Variants in TPH2 observed in about 807,000 individuals in gnomAD.
The protein encoded by TPH2 is tryptophan 5-hydroxylase 2.
A neutral mutation model predicts 59.1 loss-of-function variants in TPH2; 27 were observed. The observed-to-expected ratio is 0.46, with a 90% confidence interval of 0.34 to 0.63. TPH2 has a LOEUF of 0.63. TPH2 is among the 30% of genes least tolerant of loss of function. The pLI is 0.01. For synonymous variants in TPH2, 220 were observed against 210.5 expected (o/e 1.05, Z -0.39); for missense variants, 523 against 588.3 (o/e 0.89, Z 1.15).
chr12:72,023,755 C>T (rs1034275307), intron 9 of TPH2, among the ~76,000 whole-genome samples: 1 of 141,244 alleles, frequency 7.1e-6, no homozygotes, highest in Non-Finnish European at 1.5e-5. Flanking sequence ...ACCCAGGAGG[C>T]GGAGGTTGCA....
intron 8 of TPH2, among the ~76,000 whole-genome samples, chr12:72,017,460 C>T (rs1422931656): frequency 6.6e-6 from 1 of 151,962 alleles, no homozygotes; most frequent in Non-Finnish European, 1.5e-5. Flanking sequence ...TAATTATATC[C>T]AAATAAAATA....
chr12:71,961,944 T>A, intron 5 of TPH2: 1 of 1,057,398 alleles, frequency 9.5e-7, no homozygotes, highest in Non-Finnish European at 1.1e-6. Flanking sequence ...TGTTTTTGTT[T>A]GCTCCCATCT....
At chr12:71,983,228 TCTGCTAGAAGAGGAAA>T (rs1872334326) in intron 7 of TPH2, among the ~76,000 whole-genome samples, 6 of 152,210 alleles carry the variant, frequency 3.9e-5, no homozygotes, top group Non-Finnish European at 7.3e-5. Flanking sequence ...AGGTCACTGA[TCTGCTAGAAGAGGAAA>T]TGGACTCTTG....
At chr12:71,942,701 G>A (rs1266222378) in intron 2 of TPH2, among the ~76,000 whole-genome samples, 1 of 152,212 alleles carries the variant, frequency 6.6e-6, no homozygotes, top group Non-Finnish European at 1.5e-5. Flanking sequence ...GTACAACTAT[G>A]AGGCATTATT....
At chr12:71,953,338 T>A (rs550340423) in intron 5 of TPH2, among the ~76,000 whole-genome samples, 1 of 152,228 alleles carries the variant, frequency 6.6e-6, no homozygotes, top group East Asian at 1.9e-4. Flanking sequence ...CTGTCATTGC[T>A]AAAGTTTCTC....
intron 7 of TPH2, among the ~76,000 whole-genome samples, chr12:71,981,611 C>T (rs761411450): frequency 7.9e-5 from 12 of 151,944 alleles, no homozygotes; most frequent in African/African-American, 2.2e-4. Context: ...AGGGGTGAGA[C>T]GAGGGGAGGG....
chr12:71,985,164 C>G (rs1872395668), intron 7 of TPH2, among the ~76,000 whole-genome samples: 6 of 152,166 alleles, frequency 3.9e-5, no homozygotes, highest in Admixed American at 3.9e-4. Context: ...AAATAAGACA[C>G]AGAAAGGTTA....
intron 5 of TPH2, 141 bp downstream of exon 5, chr12:71,949,796 C>T (rs1871295345): frequency 1.3e-5 from 9 of 692,664 alleles, no homozygotes; most frequent in South Asian, 1.1e-4. Flanking sequence ...ACTCTGTAGG[C>T]TTTAAATGCC....
intron 8 of TPH2, among the ~76,000 whole-genome samples, chr12:72,020,590 A>G (rs1592415005): frequency 6.6e-6 from 1 of 152,022 alleles, no homozygotes; most frequent in South Asian, 2.1e-4. Context: ...CTGGGTTCAA[A>G]TGATTCTCTT....
chr12:72,012,759 C>T (rs556919011), intron 8 of TPH2, among the ~76,000 whole-genome samples: 39 of 152,126 alleles, frequency 2.6e-4, no homozygotes, highest in Middle Eastern at 3.4e-3. Flanking sequence ...TCCTGTTAGT[C>T]CTTAAGTGAA....
At chr12:71,945,022 AT>A (rs1309220745) in intron 4 of TPH2, among the ~76,000 whole-genome samples, 1 of 152,220 alleles carries the variant, frequency 6.6e-6, no homozygotes, top group Admixed American at 6.5e-5. Context: ...GAAATTGATC[AT>A]GCCTCTGGGA....
At chr12:71,940,590 A>G (rs970563371) in intron 1 of TPH2, among the ~76,000 whole-genome samples, 1 of 152,200 alleles carries the variant, frequency 6.6e-6, no homozygotes, top group Non-Finnish European at 1.5e-5. Context: ...CTGTATTTGC[A>G]TATAAAGAAT....
rs767755480 is a variant in TPH2, at chr12:72,031,577, A to G, written c.1355A>G (p.Gln452Arg). The change falls in exon 11 of 11, where the codon CAG becomes CGG. Residue 452 changes from glutamine to arginine, a missense_variant. Gln to Arg is a conservative substitution (Grantham distance 43). Coordinates refer to ENST00000333850, the MANE Select transcript of TPH2 (RefSeq NM_173353.4). Reference protein sequence around the residue: ...PFSVYFNPYTQSIEILKDTRS... With the variant: ...PFSVYFNPYTRSIEILKDTRS... ...TCAGTATACTTCAATCCCTACACAC[A>G]GAGTATTGAAATTCTGAAAGACACC... is the stretch of plus-strand genomic sequence containing the variant. 1.2e-6 allele frequency: 2 copies of G among 1,613,516 alleles called. No individual in the cohort carries two copies. The highest frequency in any genetic ancestry group is 2.7e-5 in the African/African-American group (2 of 74,886).
chr12:71,966,170 G>C (rs944996141), intron 5 of TPH2, among the ~76,000 whole-genome samples: 5 of 152,062 alleles, frequency 3.3e-5, no homozygotes, highest in African/African-American at 1.2e-4. Flanking sequence ...TGCAACAAAG[G>C]CATCTGAAAA....
At chr12:72,028,859 GTGATCTATATTCCTAATGGCC>G (rs1873640273) in intron 9 of TPH2, among the ~76,000 whole-genome samples, 1 of 152,156 alleles carries the variant, frequency 6.6e-6, no homozygotes, top group African/African-American at 2.4e-5. Context: ...TTGGTCAAGC[GTGATCTATATTCCTAATGGCC>G]TGCCTCAAAT....
chr12:71,991,062 A>G (rs749855578), intron 7 of TPH2, among the ~76,000 whole-genome samples: 51 of 152,204 alleles, frequency 3.4e-4, no homozygotes, highest in Non-Finnish European at 5.7e-4. Flanking sequence ...TTGCAATGGT[A>G]TTAAAGGTTC....
chr12:72,030,935 T>G (rs1873704225), intron 9 of TPH2, among the ~76,000 whole-genome samples: 1 of 152,162 alleles, frequency 6.6e-6, no homozygotes, highest in South Asian at 2.1e-4. Flanking sequence ...ATAGCATAGA[T>G]TTAAAATCCC....
rs563659795 is a variant in TPH2, at chr12:72,031,192, T to G, written c.1165-66T>G. On this transcript the variant is annotated intron_variant, in intron 9 of 10. Coordinates refer to ENST00000333850, the MANE Select transcript of TPH2 (RefSeq NM_173353.4). ...CGAGCTATCAAATGTGTTGTAAAAATGTGATGTCATGGAGCTTCGGAAGTC... is the reference window on the plus strand; with the variant it reads ...CGAGCTATCAAATGTGTTGTAAAAAGGTGATGTCATGGAGCTTCGGAAGTC... 4.1e-5 allele frequency: 65 copies of G among 1,603,770 alleles called. No individual in the cohort carries two copies. The African/African-American group carries it at 7.6e-4, about 19-fold the overall frequency.
chr12:72,015,144 G>T (rs11179048), intron 8 of TPH2, among the ~76,000 whole-genome samples: 1 of 151,914 alleles, frequency 6.6e-6, no homozygotes, highest in African/African-American at 2.4e-5. Context: ...GGTGGTAAAG[G>T]GGTAAGTGGG....
Sources: gnomAD v4.1 joint callset for allele counts (sites outside exome capture counted in the v4.1 genomes callset) on GRCh38, gnomAD v4.1.1 for gene constraint, MANE v1.5 for transcripts, NCBI Gene and HGNC (gene_info 2026-07-23, HGNC 2026-07-21) for gene names.